Variants in ALPK2 observed in about 807,000 individuals in gnomAD.
ALPK2 encodes the protein alpha kinase 2, also known as alpha-protein kinase 2.
In ALPK2, 127 loss-of-function variants were observed where a neutral mutation model predicts 163.1. The observed-to-expected ratio is 0.78, with a 90% CI of 0.67 to 0.90. The LOEUF is 0.90. Among genes scored for constraint, ALPK2 ranks in the 40% least tolerant of loss-of-function variants. ALPK2 has a pLI of 0.00. For missense variants in ALPK2, 2,360 were observed against 2,589.6 expected, an observed-to-expected ratio of 0.91 and a Z score of 1.92; for synonymous variants, 953 against 959.1, an observed-to-expected ratio of 0.99 and a Z score of 0.12.
chr18:58,514,033 A>G (rs1258336261), intron 10 of ALPK2, among the ~76,000 whole-genome samples: 4 of 152,156 alleles, frequency 2.6e-5, no homozygotes, highest in African/African-American at 4.8e-5. Context: ...ACTTAAGAGG[A>G]CAGACACTGG....
In ALPK2 at chr18:58,535,476, C is replaced by T; in HGVS notation, c.4711G>A (p.Asp1571Asn). 6.2e-7 allele frequency: 1 copy of T among 1,614,196 alleles called. No homozygotes were observed. The highest frequency in any genetic ancestry group is 1.6e-4 in the Middle Eastern group (1 of 6,062). The change falls in exon 5 of 13, where the codon GAC (aspartate) becomes AAC (asparagine). Residue 1571 changes from aspartate to asparagine, a missense_variant. By Grantham distance (23) the Asp-to-Asn change is conservative (BLOSUM62 1). Transcript: ENST00000361673. ...TGQIHDVPEN[D>N]IVEPRKRQYV... is the part of the protein sequence containing the mutation. ...TGACGCTTTCTGGGCTCAACTATGT[C>T]ATTTTCAGGGACGTCATGAATTTGG...
At chr18:58,626,324 C>T (rs891115862) in intron 1 of ALPK2, among the ~76,000 whole-genome samples, 2 of 152,144 alleles carry the variant, frequency 1.3e-5, no homozygotes, top group African/African-American at 2.4e-5. Flanking sequence ...ACTGACCCCG[C>T]GCAATTCTAG....
At chr18:58,549,958 A>G (rs2051741981) in intron 4 of ALPK2, among the ~76,000 whole-genome samples, 1 of 152,082 alleles carries the variant, frequency 6.6e-6, no homozygotes, top group African/African-American at 2.4e-5. Flanking sequence ...GTCAGGACCT[A>G]CGTGCCCCTC....
intron 3 of ALPK2, among the ~76,000 whole-genome samples, chr18:58,591,384 G>T (rs184958829): frequency 3.0e-4 from 46 of 152,334 alleles, no homozygotes; most frequent in African/African-American, 1.1e-3. Context: ...CCACTATGTG[G>T]ATGATAAAGA....
At chr18:58,531,135 C>T (rs560964821) in intron 5 of ALPK2, among the ~76,000 whole-genome samples, 7 of 152,174 alleles carry the variant, frequency 4.6e-5, no homozygotes, top group African/African-American at 9.6e-5. Flanking sequence ...TTCAAGGCTG[C>T]GGTGAGCCAT....
intron 6 of ALPK2, among the ~76,000 whole-genome samples, chr18:58,524,647 GTGA>G (rs925720490): frequency 2.6e-5 from 4 of 152,204 alleles, no homozygotes; most frequent in African/African-American, 9.6e-5. Flanking sequence ...GATGATGACA[GTGA>G]TGATGATGCC....
rs141899604 is a variant in ALPK2 at position 58,490,423 on chromosome 18, T to C, written c.6296+7626A>G. 5.8e-3 allele frequency among the ~76,000 whole-genome samples: 886 copies of C among 152,230 alleles called. 4 individuals carry two copies. Among genetic ancestry groups the C allele is most frequent in the Non-Finnish European group, 9.2e-3 (624 of 67,986 alleles). Reference sequence around the variant, plus strand: ...CCTGGTCCAGGTGGTGCAGGTCAGATCTTGTCATGGCCAAGCAACTGCTTG... The same window carrying C: ...CCTGGTCCAGGTGGTGCAGGTCAGACCTTGTCATGGCCAAGCAACTGCTTG... On this transcript the variant is annotated intron_variant, in intron 12 of 12. Transcript: ENST00000361673.
chr18:58,520,045 T>G (rs957144338), intron 8 of ALPK2, among the ~76,000 whole-genome samples: 2 of 152,046 alleles, frequency 1.3e-5, no homozygotes, highest in African/African-American at 2.4e-5. Flanking sequence ...GAAGGTGCAA[T>G]TTTCTTTGCA....
At chr18:58,545,369 C>A (rs1053481177) in intron 4 of ALPK2, among the ~76,000 whole-genome samples, 2 of 152,198 alleles carry the variant, frequency 1.3e-5, no homozygotes, top group Non-Finnish European at 2.9e-5. Context: ...ACCTTGGAAC[C>A]CTCTGGAGGC....
At chr18:58,574,646 G>A (rs965534141) in intron 4 of ALPK2, among the ~76,000 whole-genome samples, 2 of 151,992 alleles carry the variant, frequency 1.3e-5, no homozygotes, top group Non-Finnish European at 2.9e-5. Context: ...AATGCCTGAT[G>A]ATCTGAAGTG....
intron 12 of ALPK2, among the ~76,000 whole-genome samples, chr18:58,483,820 C>G (rs2051324479): frequency 6.6e-6 from 1 of 151,820 alleles, no homozygotes; most frequent in Admixed American, 6.6e-5. Flanking sequence ...CCGCCTCGGC[C>G]TCCCAAAGTG....
At chr18:58,563,598 C>T (rs780026090) in intron 4 of ALPK2, among the ~76,000 whole-genome samples, 10 of 152,196 alleles carry the variant, frequency 6.6e-5, no homozygotes, top group Non-Finnish European at 1.5e-4. Context: ...TACTCTTTCT[C>T]TCATGAACCT....
chr18:58,487,441 G>T (rs2051345308), intron 12 of ALPK2, among the ~76,000 whole-genome samples: 1 of 152,150 alleles, frequency 6.6e-6, no homozygotes, highest in African/African-American at 2.4e-5. Context: ...CAGTCTTCCA[G>T]CCCCCAGAAC....
intron 10 of ALPK2, among the ~76,000 whole-genome samples, chr18:58,513,988 G>T (rs1284956578): frequency 1.3e-5 from 2 of 152,204 alleles, no homozygotes; most frequent in Non-Finnish European, 2.9e-5. Context: ...TGGTAGGGTT[G>T]ACTTGTGGGT....
intron 5 of ALPK2, among the ~76,000 whole-genome samples, chr18:58,530,193 T>C (rs1339100679): frequency 2.0e-5 from 3 of 152,176 alleles, no homozygotes; most frequent in Non-Finnish European, 2.9e-5. Flanking sequence ...GAATTCAAGG[T>C]GCTTCTCATC....
At chr18:58,616,388 AC>A (rs1308655924) in intron 1 of ALPK2, among the ~76,000 whole-genome samples, 2 of 152,064 alleles carry the variant, frequency 1.3e-5, no homozygotes, top group Non-Finnish European at 2.9e-5. Context: ...ATTCCAAAAG[AC>A]CCTCATTCCT....
chr18:58,560,715 A>G (rs980352961), intron 4 of ALPK2, among the ~76,000 whole-genome samples: 8 of 152,362 alleles, frequency 5.3e-5, no homozygotes, highest in African/African-American at 1.4e-4. Flanking sequence ...ATTATTCTGC[A>G]TACCATACTG....
chr18:58,588,214 A>G (rs2051996764), intron 3 of ALPK2, among the ~76,000 whole-genome samples: 1 of 152,170 alleles, frequency 6.6e-6, no homozygotes, highest in Non-Finnish European at 1.5e-5. Flanking sequence ...TGATGCATCA[A>G]GGGCATTATT....
Position 58,577,214 on chromosome 18 carries a change from A to C in ALPK2, c.1962+1600T>G, listed in dbSNP as rs370443239. Among the ~76,000 whole-genome samples the C allele has an allele frequency of 1.2e-4, 18 of 152,364 alleles. No homozygotes were observed. The East Asian group carries it at 1.7e-3, about 15-fold the overall frequency. ...GTTTAGGTCACAAGCTGAGGATGAC[A>C]GAGGGGGCTCTTCCCTCCAGCTCTT... On this transcript the variant is annotated intron_variant, in intron 4 of 12. Transcript: ENST00000361673.
Sources: gnomAD v4.1 joint callset for allele counts (sites outside exome capture counted in the v4.1 genomes callset) on GRCh38, gnomAD v4.1.1 for gene constraint, MANE v1.5 for transcripts, NCBI Gene and HGNC (gene_info 2026-07-23, HGNC 2026-07-21) for gene names.